KSR2: variants seen among roughly 807,000 people sequenced by gnomAD.
KSR2 encodes kinase suppressor of ras 2.
In KSR2, 25 loss-of-function variants were observed where a neutral mutation model predicts 107.8. That is an observed-to-expected ratio of 0.23 (90% CI 0.17 to 0.32). The LOEUF is 0.32. Ranked by LOEUF, KSR2 falls within the 10% of genes least tolerant of loss-of-function variation. The pLI is 1.00. For synonymous variants in KSR2, 480 were observed against 507.0 expected (o/e 0.95, Z 0.71); for missense variants, 887 against 1,268.9 (o/e 0.70, Z 4.57).
At chr12:117,711,912 G>A (rs918843085) in intron 4 of KSR2, among the ~76,000 whole-genome samples, 15 of 152,306 alleles carry the variant, frequency 9.8e-5, no homozygotes, top group South Asian at 2.1e-4. Context: ...GGGAGACACC[G>A]CTGAGCCATG....
chr12:117,586,029 G>T (rs1348768992), intron 5 of KSR2, among the ~76,000 whole-genome samples: 1 of 152,214 alleles, frequency 6.6e-6, no homozygotes, highest in Admixed American at 6.5e-5. Flanking sequence ...AGAGGGAAAA[G>T]CCAGGAACCC....
intron 4 of KSR2, among the ~76,000 whole-genome samples, chr12:117,715,807 A>T (rs541376737): frequency 1.3e-5 from 2 of 152,290 alleles, no homozygotes; most frequent in South Asian, 4.1e-4. Flanking sequence ...CATCAACAAC[A>T]TGCCATATAT....
At chr12:117,661,173 A>G (rs1278460437) in intron 5 of KSR2, among the ~76,000 whole-genome samples, 1 of 152,230 alleles carries the variant, frequency 6.6e-6, no homozygotes, top group East Asian at 1.9e-4. Context: ...CAAAGAGGCC[A>G]AAGTCATACA....
Position 117,904,732 on chromosome 12 carries a change from CTGA to C in KSR2, c.181-44304_181-44302del, listed in dbSNP as rs1319877982. Among the ~76,000 whole-genome samples the C allele has an allele frequency of 2.0e-5, 3 of 152,020 alleles. No homozygotes were observed. In the East Asian group the frequency reaches 5.8e-4, roughly 29 times the overall value. Reference sequence around the variant, plus strand: ...GAGTCACTTAGCCATGACCACAGAGCTGATAAGTGGCAGATTCCAAACTCAAAC... The same window carrying C: ...GAGTCACTTAGCCATGACCACAGAGCTAAGTGGCAGATTCCAAACTCAAAC... On this transcript the variant is annotated intron_variant, in intron 1 of 19. Transcript: ENST00000339824.
At chr12:117,773,865 G>T (rs1009816469) in intron 3 of KSR2, among the ~76,000 whole-genome samples, 8 of 149,682 alleles carry the variant, frequency 5.3e-5, no homozygotes, top group Non-Finnish European at 7.5e-5. Context: ...ATTACTGTTT[G>T]CTGTGCCCCT....
intron 6 of KSR2, among the ~76,000 whole-genome samples, chr12:117,581,565 T>C (rs1879664517): frequency 6.6e-6 from 1 of 152,178 alleles, no homozygotes; most frequent in Non-Finnish European, 1.5e-5. Flanking sequence ...ATCTGTCCAA[T>C]GGCCATGAGC....
intron 3 of KSR2, among the ~76,000 whole-genome samples, chr12:117,781,603 C>T (rs924672473): frequency 1.3e-5 from 2 of 152,210 alleles, no homozygotes; most frequent in Non-Finnish European, 2.9e-5. Context: ...GAGTTGTAAA[C>T]TTGTCTGTGT....
intron 7 of KSR2, among the ~76,000 whole-genome samples, chr12:117,578,135 A>C (rs1156776421): frequency 6.6e-6 from 1 of 152,132 alleles, no homozygotes; most frequent in African/African-American, 2.4e-5. Context: ...CCAATATGAT[A>C]CTACAGAAGG....
rs138551226 is a variant in KSR2, at chr12:117,923,846, T to C, written c.180+44230A>G. ...AGTATTTGTAGTATTCTATGTTTTG[T>C]GTAACAAAGGAGTTGACATTAATAT... is the stretch of plus-strand genomic sequence containing the variant. On this transcript the variant is annotated intron_variant, in intron 1 of 19. Transcript: ENST00000339824. Among the ~76,000 whole-genome samples the C allele has an allele frequency of 5.2e-4, 79 of 151,880 alleles. No individual in the cohort carries two copies. In the East Asian group the frequency reaches 0.015, roughly 28 times the overall value.
Position 117,579,322 on chromosome 12 carries a change from G to C in KSR2, c.1242-120C>G, listed in dbSNP as rs189264152. ...CCTGGATTCCAGTCCTGTTTCTTTCGAGCTGTGTGACTTAATCAAGTTGCT... is the reference window on the plus strand; with the variant it reads ...CCTGGATTCCAGTCCTGTTTCTTTCCAGCTGTGTGACTTAATCAAGTTGCT... On this transcript the variant is annotated intron_variant, in intron 6 of 19. Transcript: ENST00000339824. 209 of 737,186 alleles carry C rather than the reference G, an allele frequency of 2.8e-4. 2 individuals carry two copies. In the East Asian group the frequency reaches 4.6e-3, roughly 16 times the overall value. 45.7% of individuals were successfully genotyped at this position (737,186 alleles called of 1,614,324 possible).
At chr12:117,481,276 C>T (rs1872159596) in intron 16 of KSR2, among the ~76,000 whole-genome samples, 1 of 152,084 alleles carries the variant, frequency 6.6e-6, no homozygotes, top group Non-Finnish European at 1.5e-5. Flanking sequence ...AATTTTGCCT[C>T]CCCCAAATTT....
intron 14 of KSR2, among the ~76,000 whole-genome samples, chr12:117,488,878 T>C (rs1380942265): frequency 1.3e-5 from 2 of 152,098 alleles, no homozygotes; most frequent in African/African-American, 4.8e-5. Context: ...CAGTCTGCAG[T>C]ACCGTGTCAC....
intron 5 of KSR2, among the ~76,000 whole-genome samples, chr12:117,619,021 C>A (rs372807915): frequency 2.6e-5 from 4 of 152,102 alleles, no homozygotes; most frequent in African/African-American, 9.7e-5. Context: ...TTTCTGGAAG[C>A]AGAAATTTCT....
chr12:117,804,016 A>T (rs916769266), intron 3 of KSR2, among the ~76,000 whole-genome samples: 1 of 152,162 alleles, frequency 6.6e-6, no homozygotes, highest in Non-Finnish European at 1.5e-5. Flanking sequence ...ACTGAGTTTC[A>T]TTGACACATA....
chr12:117,869,414 C>T (rs982093716), intron 1 of KSR2, among the ~76,000 whole-genome samples: 2 of 152,122 alleles, frequency 1.3e-5, no homozygotes, highest in Non-Finnish European at 2.9e-5. Context: ...CAGATAAGGC[C>T]AGAGCTCCCT....
At chr12:117,574,578 C>G (rs920215399) in intron 7 of KSR2, among the ~76,000 whole-genome samples, 2 of 152,134 alleles carry the variant, frequency 1.3e-5, no homozygotes, top group African/African-American at 2.4e-5. Context: ...ACCACAAGGA[C>G]AGCATGCAGG....
intron 3 of KSR2, among the ~76,000 whole-genome samples, chr12:117,782,511 C>T (rs568218257): frequency 1.5e-4 from 23 of 152,182 alleles, no homozygotes; most frequent in Non-Finnish European, 3.2e-4. Flanking sequence ...GTGATCCATC[C>T]ACCTTGGCCT....
chr12:117,590,840 G>A (rs973055667), intron 5 of KSR2, among the ~76,000 whole-genome samples: 2 of 152,182 alleles, frequency 1.3e-5, no homozygotes, highest in Non-Finnish European at 2.9e-5. Context: ...AGTGTGCCAA[G>A]TCCTGATTTA....
intron 3 of KSR2, among the ~76,000 whole-genome samples, chr12:117,766,155 T>A (rs1290311919): frequency 6.6e-6 from 1 of 152,202 alleles, no homozygotes; most frequent in Non-Finnish European, 1.5e-5. Context: ...AACCCAAGTG[T>A]CCATCAACTA....
Sources: allele counts gnomAD v4.1 joint callset (sites outside exome capture counted in the v4.1 genomes callset), GRCh38; gene constraint gnomAD v4.1.1; transcripts MANE v1.5; gene names NCBI Gene and HGNC (gene_info 2026-07-23, HGNC 2026-07-21).